Variants in SREBF1 observed in about 807,000 individuals in gnomAD.
SREBF1 encodes the protein sterol regulatory element-binding protein 1.
SREBF1 carries 45 observed loss-of-function variants against 100.1 expected under a neutral mutation model. That is an observed-to-expected ratio of 0.45 (90% CI 0.35 to 0.58). SREBF1 has a LOEUF of 0.58. SREBF1 is among the 20% of genes least tolerant of loss of function. SREBF1 has a pLI of 0.00. For missense variants in SREBF1, 1,324 were observed against 1,539.4 expected, an observed-to-expected ratio of 0.86 and a Z score of 2.34; for synonymous variants, 657 against 681.8, an observed-to-expected ratio of 0.96 and a Z score of 0.57.
intron 1 of SREBF1, among the ~76,000 whole-genome samples, chr17:17,834,823 G>A (rs991406218): frequency 6.6e-6 from 1 of 152,164 alleles, no homozygotes; most frequent in African/African-American, 2.4e-5. Context: ...GACCATCCTG[G>A]CTAGCACAGT....
At position 17,816,663 on chromosome 17, in the gene SREBF1, C is replaced by T. The variant is rs780502109; in HGVS notation, c.1841G>A (p.Arg614Gln). 1.5e-5 allele frequency: 24 copies of T among 1,586,154 alleles called. No individual in the cohort carries two copies. The highest frequency in any genetic ancestry group is 4.6e-5 in the South Asian group (4 of 87,786). Residue 614 changes from arginine to glutamine, a missense_variant, in exon 10 of 19, where the codon CGG becomes CAG. By Grantham distance (43) the Arg-to-Gln change is conservative. Transcript: ENST00000261646. ...GTCCAGGTGGGAGGTGGGCAGGGGC[C>T]GGCCCAGTGCCCGCAGGGCCAGCCA... The part of the protein sequence containing the change: ...QLWLALRALG[R>Q]PLPTSHLDLA...
intron 1 of SREBF1, among the ~76,000 whole-genome samples, chr17:17,825,603 CTTTT>C (rs60178339): frequency 6.5e-5 from 6 of 92,546 alleles, no homozygotes; most frequent in Non-Finnish European, 6.8e-5. Flanking sequence ...TGGCCAATTT[CTTTT>C]TTTTTTTTTT....
intron 18 of SREBF1, 41 bp from the exon 19 acceptor site, chr17:17,812,892 G>C (rs2033061186): frequency 1.4e-6 from 2 of 1,445,652 alleles, no homozygotes; most frequent in Admixed American, 2.8e-5. Context: ...TCTCAAGCTG[G>C]CCACGCCCCC....
chr17:17,830,606 G>T (rs1197722283), intron 1 of SREBF1, among the ~76,000 whole-genome samples: 1 of 152,230 alleles, frequency 6.6e-6, no homozygotes, highest in African/African-American at 2.4e-5. Context: ...CCTGCTGGGA[G>T]ACAGGTGCAG....
chr17:17,827,268 G>A (rs1469253320), intron 1 of SREBF1, among the ~76,000 whole-genome samples: 2 of 152,196 alleles, frequency 1.3e-5, no homozygotes, highest in Non-Finnish European at 2.9e-5. Context: ...GGAATGGGTG[G>A]GAAAGGGATT....
intron 1 of SREBF1, chr17:17,823,441 T>C: frequency 9.5e-7 from 1 of 1,057,656 alleles, no homozygotes. Flanking sequence ...GTAGCCCGCA[T>C]GCCCGCCCAC....
chr17:17,823,600 G>A (rs780817112), intron 1 of SREBF1: 4 of 1,611,890 alleles, frequency 2.5e-6, no homozygotes, highest in African/African-American at 1.3e-5. Context: ...TCCCCGCGCC[G>A]ACTTCACCTG....
At chr17:17,813,259 C>CCTGT (rs763678884) in intron 18 of SREBF1, 109 bp downstream of exon 18, 3 of 1,171,004 alleles carry the variant, frequency 2.6e-6, no homozygotes, top group Non-Finnish European at 3.7e-6. Flanking sequence ...CTGCGCCAGG[C>CCTGT]CTGTCTGTCC....
At position 17,815,331 on chromosome 17, in the gene SREBF1, T is replaced by TGTGGAGAGGAGGAGGTGAGTGGG. The variant is rs1369150823; in HGVS notation, c.2384-25_2384-3dup. The TGTGGAGAGGAGGAGGTGAGTGGG allele has an allele frequency of 2.5e-6, 4 of 1,612,502 alleles. No homozygotes were observed. The highest frequency in any genetic ancestry group is 3.4e-6 in the Non-Finnish European group (4 of 1,179,270). ...GAGTCACCTGGGCCAGGGGGTCCAC[T>TGTGGAGAGGAGGAGGTGAGTGGG]GTGGAGAGGAGGAGGTGAGTGGGGT... On this transcript the variant is annotated splice_polypyrimidine_tract_variant and splice_region_variant and intron_variant, in intron 12 of 18. Coordinates refer to ENST00000261646, the MANE Select transcript of SREBF1 (RefSeq NM_004176.5).
chr17:17,830,016 G>C (rs996035913), intron 1 of SREBF1, among the ~76,000 whole-genome samples: 4 of 152,214 alleles, frequency 2.6e-5, no homozygotes, highest in African/African-American at 9.7e-5. Context: ...GGCCTAGTCA[G>C]CCCCATCCTG....
chr17:17,834,002 C>A, intron 1 of SREBF1, among the ~76,000 whole-genome samples: 1 of 142,652 alleles, frequency 7.0e-6, no homozygotes, highest in African/African-American at 2.7e-5. Flanking sequence ...GAGTGTGCAC[C>A]CATCCCCAAA....
In SREBF1 at chr17:17,819,257, C is replaced by G. The variant is rs372236999; in HGVS notation, c.847-23G>C. 4 of 1,613,676 alleles carry G rather than the reference C, an allele frequency of 2.5e-6. No homozygotes were observed. In the African/African-American group the frequency reaches 5.3e-5, roughly 22 times the overall value. ...GGTCTGCAGGGCCAGGCACATGTTACCAGGTGGGCATGTGTGTGTGTGTGT... is the reference window on the plus strand; with the variant it reads ...GGTCTGCAGGGCCAGGCACATGTTAGCAGGTGGGCATGTGTGTGTGTGTGT... On this transcript the variant is annotated intron_variant, in intron 4 of 18. Coordinates refer to ENST00000261646, the MANE Select transcript of SREBF1 (RefSeq NM_004176.5).
At chr17:17,836,514 C>G (rs1023797019) in intron 1 of SREBF1, among the ~76,000 whole-genome samples, 1 of 152,296 alleles carries the variant, frequency 6.6e-6, no homozygotes, top group African/African-American at 2.4e-5. Context: ...GGCCCAGGAG[C>G]CCTCACCCAC....
chr17:17,832,881 A>C (rs1441562366), intron 1 of SREBF1, among the ~76,000 whole-genome samples: 1 of 151,834 alleles, frequency 6.6e-6, no homozygotes, highest in Non-Finnish European at 1.5e-5. Flanking sequence ...AGATCGCGCC[A>C]CTGCACTCCA....
chr17:17,836,569 G>A (rs1401809099), intron 1 of SREBF1, among the ~76,000 whole-genome samples, 158 bp downstream of exon 1: 1 of 152,204 alleles, frequency 6.6e-6, no homozygotes, highest in Non-Finnish European at 1.5e-5. Context: ...GGGAGGCTCG[G>A]TGAGGCTCGG....
rs760931114 is a variant in SREBF1, at chr17:17,820,268, A to G, written c.345T>C (p.Ala115=). 6.8e-6 allele frequency: 11 copies of G among 1,613,840 alleles called. No homozygotes were observed. In the East Asian group the frequency reaches 2.0e-4, roughly 29 times the overall value. ...TPLKMYPSMP[A]FSPGPGIKEE... The stretch of plus-strand genomic sequence containing the variant: ...CCTTGATACCAGGCCCAGGGGAGAA[A>G]GCGGGCATGGACGGGTACATCTTCA... The change falls in exon 2 of 19, where the codon GCT becomes GCC. Residue 115 remains alanine, a synonymous_variant. Transcript: ENST00000261646.
At position 17,812,747 on chromosome 17, in the gene SREBF1, G is replaced by C; in HGVS notation, c.3319C>G (p.Gln1107Glu). 1 of 1,551,886 alleles carries C rather than the reference G, an allele frequency of 6.4e-7. No individual in the cohort carries two copies. Among genetic ancestry groups the C allele is most frequent in the Non-Finnish European group, 8.7e-7 (1 of 1,148,304 alleles). Reference sequence around the variant, plus strand: ...GCCTCAGCCAGCATGCCCACGCGCTGCCCGGGCGCCGACAGGAAGCCGGGG... The same window carrying C: ...GCCTCAGCCAGCATGCCCACGCGCTCCCCGGGCGCCGACAGGAAGCCGGGG... ...LPPGFLSAPG[Q>E]RVGMLAEAAR... is the part of the protein sequence containing the mutation. Residue 1107 changes from glutamine (Q) to glutamate (E), a missense_variant, in exon 19 of 19, where the codon CAG becomes GAG. By Grantham distance (29) the Gln-to-Glu change is conservative (BLOSUM62 2). Coordinates refer to ENST00000261646, the MANE Select transcript of SREBF1 (RefSeq NM_004176.5).
At position 17,814,287 on chromosome 17, in the gene SREBF1, C is replaced by G. The variant is rs138408324; in HGVS notation, c.2859G>C (p.Gln953His). The G allele has an allele frequency of 6.2e-7, 1 of 1,604,610 alleles. No individual in the cohort carries two copies. The highest frequency in any genetic ancestry group is 1.3e-5 in the African/African-American group (1 of 74,986). ...TICEKASGYL[Q>H]DSLATTPASS... Reference sequence around the variant, plus strand: ...TGGCTGGTGTGGTAGCCAGGCTGTCCTGCAGGTACCCACTGGCCTTCTCAC... The same window carrying G: ...TGGCTGGTGTGGTAGCCAGGCTGTCGTGCAGGTACCCACTGGCCTTCTCAC... The change falls in exon 16 of 19, where the codon CAG becomes CAC. Residue 953 changes from glutamine (Q) to histidine (H), a missense_variant. Coordinates refer to ENST00000261646, the MANE Select transcript of SREBF1 (RefSeq NM_004176.5).
rs746535471 is a variant in SREBF1, at chr17:17,816,335, C to A, written c.2086G>T (p.Ala696Ser). The A allele has an allele frequency of 1.9e-6, 3 of 1,586,528 alleles. No homozygotes were observed. Among genetic ancestry groups the A allele is most frequent in the Non-Finnish European group, 1.7e-6 (2 of 1,168,752 alleles). The change falls in exon 11 of 19, where the codon GCG (alanine) becomes TCG (serine). Residue 696 changes from alanine (A) to serine (S), a missense_variant. Transcript: ENST00000261646. Reference protein sequence around the residue: ...TGGHLTATNLALSALNLAECA... With the variant: ...TGGHLTATNLSLSALNLAECA... ...TCTGCCAGGTTCAGGGCACTCAGCGCCAGGTTGGTGGCAGTGAGGTGCCCG... is the reference window on the plus strand; with the variant it reads ...TCTGCCAGGTTCAGGGCACTCAGCGACAGGTTGGTGGCAGTGAGGTGCCCG...
Sources: allele counts gnomAD v4.1 joint callset (sites outside exome capture counted in the v4.1 genomes callset), GRCh38; gene constraint gnomAD v4.1.1; transcripts MANE v1.5; gene names NCBI Gene and HGNC (gene_info 2026-07-23, HGNC 2026-07-21).